The following RET variants were observed in gnomAD, a reference collection of about 807,000 sequenced individuals.
The protein encoded by RET is proto-oncogene tyrosine-protein kinase receptor Ret.
In RET, 19 loss-of-function variants were observed where a neutral mutation model predicts 118.3. The observed-to-expected ratio is 0.16, with a 90% CI of 0.11 to 0.24. The LOEUF (loss-of-function observed/expected upper bound fraction) is 0.24. Ranked by LOEUF, RET falls within the 10% of genes least tolerant of loss-of-function variation. RET has a pLI of 1.00. For missense variants in RET, 1,219 were observed against 1,502.1 expected (o/e 0.81, Z 3.12); for synonymous variants, 597 against 644.1 (o/e 0.93, Z 1.11).
Position 43,114,649 on chromosome 10 carries a change from C to T in RET, c.2049C>T (p.Phe683=), listed in dbSNP as rs2132851661. ...EMTFRRPAQA[F]PVSYSSSGAR... ...CCTTCCGGAGGCCCGCCCAGGCCTTCCCGGTCAGCTACTCCTCTTCCGGTG... is the reference window on the plus strand; with the variant it reads ...CCTTCCGGAGGCCCGCCCAGGCCTTTCCGGTCAGCTACTCCTCTTCCGGTG... The change falls in exon 11 of 20, where the codon TTC becomes TTT. Residue 683 remains phenylalanine, a synonymous_variant. Coordinates refer to ENST00000355710, the MANE Select transcript of RET (RefSeq NM_020975.6). This position sits in a 1 kb window ranked among gnomAD's most constrained non-coding sequence, Gnocchi z 4.6. 1.2e-6 allele frequency: 2 copies of T among 1,613,078 alleles called. No homozygotes were observed. Among genetic ancestry groups the T allele is most frequent in the Non-Finnish European group, 1.7e-6 (2 of 1,180,016 alleles).
At chr10:43,091,501 G>C (rs1479974481) in intron 1 of RET, among the ~76,000 whole-genome samples, 1 of 151,942 alleles carries the variant, frequency 6.6e-6, no homozygotes, top group East Asian at 1.9e-4. Flanking sequence ...CGTGGTGGCA[G>C]GTGGCTGTAA....
At chr10:43,085,929 G>A (rs1837279343) in intron 1 of RET, among the ~76,000 whole-genome samples, 1 of 152,208 alleles carries the variant, frequency 6.6e-6, no homozygotes, top group Non-Finnish European at 1.5e-5. Flanking sequence ...GTGCTGGGCT[G>A]AAACCTACTG....
In RET at chr10:43,128,211, A is replaced by G. The variant is rs768752146; in HGVS notation, c.3287A>G (p.Tyr1096Cys). The G allele has an allele frequency of 5.0e-6, 8 of 1,614,118 alleles. No individual in the cohort carries two copies. The highest frequency in any genetic ancestry group is 3.3e-4 in the Middle Eastern group (2 of 6,084). ...GFPRYPNDSV[Y>C]ANWMLSPSAA... is the part of the protein sequence containing the mutation. The stretch of plus-strand genomic sequence containing the variant: ...CCAAGATATCCAAATGATAGTGTAT[A>G]TGCTAACTGGATGCTTTCACCCTCA... Residue 1096 changes from tyrosine (Y) to cysteine (C), a missense_variant, in exon 20 of 20, where the codon TAT (tyrosine) becomes TGT (cysteine). Physicochemically the swap from Tyr to Cys is radical, Grantham distance 194 (BLOSUM62 -2). Coordinates refer to ENST00000355710, the MANE Select transcript of RET (RefSeq NM_020975.6).
chr10:43,112,050 G>A (rs748313172), intron 7 of RET, 49 bp from the exon 8 acceptor site: 17 of 1,565,694 alleles, frequency 1.1e-5, no homozygotes, highest in Middle Eastern at 1.8e-4. Context: ...CTAGCTGGAC[G>A]CTGGGCCCAG....
intron 1 of RET, among the ~76,000 whole-genome samples, chr10:43,098,507 C>T (rs1837569839): frequency 6.6e-6 from 1 of 150,776 alleles, no homozygotes; most frequent in Non-Finnish European, 1.5e-5. Context: ...CTACAACCTC[C>T]GCCTCGTGGG....
At chr10:43,086,149 T>C (rs1837284158) in intron 1 of RET, among the ~76,000 whole-genome samples, 1 of 152,172 alleles carries the variant, frequency 6.6e-6, no homozygotes, top group Non-Finnish European at 1.5e-5. Flanking sequence ...ATTCCTAGCC[T>C]CTGTGTGGCC....
At chr10:43,102,844 G>A in intron 3 of RET, 1 of 624,548 alleles carries the variant, frequency 1.6e-6, no homozygotes, top group Non-Finnish European at 2.8e-6. Context: ...AATCTTGCCT[G>A]CCTGCAGCTT....
chr10:43,109,216 C>T lies in RET; in HGVS notation c.1249C>T (p.Arg417Cys), dbSNP rs1478152005. 1.1e-5 allele frequency: 18 copies of T among 1,613,034 alleles called. No homozygotes were observed. The highest frequency in any genetic ancestry group is 1.4e-5 in the Non-Finnish European group (16 of 1,180,014). ...TYSLSVSRRA[R>C]RFAQIGKVCV... ...CTCCCTCTCCGTGAGCAGGAGGGCT[C>T]GCCGATTTGCCCAGGTGAGCCCATA... Residue 417 changes from arginine (R) to cysteine (C), a missense_variant, in exon 6 of 20, where the codon CGC (arginine) becomes TGC (cysteine). This residue lies in a region of RET where 850 missense variants were observed against 969.6 expected (regional missense o/e 0.88). Coordinates refer to ENST00000355710, the MANE Select transcript of RET (RefSeq NM_020975.6).
At chr10:43,119,449 C>T in intron 13 of RET, 82 bp from the exon 14 acceptor site, 2 of 1,222,696 alleles carry the variant, frequency 1.6e-6, no homozygotes, top group Non-Finnish European at 2.3e-6. Context: ...GGCCTGGGGA[C>T]CCTGCGGCCT....
In RET at chr10:43,128,346, T is replaced by C. The variant is rs1838380383; in HGVS notation, c.*77T>C. 1 of 1,548,900 alleles carries C rather than the reference T, an allele frequency of 6.5e-7. No individual in the cohort carries two copies. The highest frequency in any genetic ancestry group is 1.4e-5 in the African/African-American group (1 of 73,572). On this transcript the variant is annotated 3_prime_UTR_variant, in exon 20 of 20. Coordinates refer to ENST00000355710, the MANE Select transcript of RET (RefSeq NM_020975.6). ...ATGGAAAGTCTACCGGCCCTTTCTT[T>C]GTGAACGTCACATTGGCCGAGCCGT...
rs546456922 is a variant in RET, at chr10:43,121,262, C to T, written c.2731-684C>T. Among the ~76,000 whole-genome samples, 25 of 152,350 alleles carry T rather than the reference C, an allele frequency of 1.6e-4. No individual in the cohort carries two copies. In the South Asian group the frequency reaches 1.9e-3, roughly 11 times the overall value. ...CACACTGCACTAAGGACATAAATCC[C>T]TCATGTGTTTAAGTAAAAGAAGTGA... On this transcript the variant is annotated intron_variant, in intron 15 of 19. Transcript: ENST00000355710.
At chr10:43,113,241 A>G (rs1222382441) in intron 9 of RET, among the ~76,000 whole-genome samples, 1 of 152,206 alleles carries the variant, frequency 6.6e-6, no homozygotes, top group African/African-American at 2.4e-5. Context: ...AGGGACACTG[A>G]CAGGGAAAGT....
chr10:43,111,505 G>A lies in RET; in HGVS notation c.1522+40G>A, dbSNP rs1350637008. 6 of 1,594,134 alleles carry A rather than the reference G, an allele frequency of 3.8e-6. No individual in the cohort carries two copies. In the African/African-American group the frequency reaches 4.0e-5, roughly 11 times the overall value. ...CAGGGAGGGAGGGTCGGGGTCCTGG[G>A]GGCTTCTGGAGCCTGGGCCTCCTGC... is the stretch of plus-strand genomic sequence containing the variant. On this transcript the variant is annotated intron_variant, in intron 7 of 19. Coordinates refer to ENST00000355710, the MANE Select transcript of RET (RefSeq NM_020975.6).
intron 1 of RET, among the ~76,000 whole-genome samples, chr10:43,099,777 G>A (rs995385788): frequency 6.6e-6 from 1 of 152,146 alleles, no homozygotes; most frequent in African/African-American, 2.4e-5. Context: ...TGCCATGTGC[G>A]CTCTTCTCTG....
In RET at chr10:43,105,030, A is replaced by G. The variant is rs2132704695; in HGVS notation, c.704A>G (p.Glu235Gly). 6.2e-7 allele frequency: 1 copy of G among 1,604,196 alleles called. No individual in the cohort carries two copies. Among genetic ancestry groups the G allele is most frequent in the South Asian group, 1.1e-5 (1 of 90,596 alleles). ...TRWALDREQR[E>G]KYELVAVCTV... ...TGGGCCCTGGACCGCGAGCAGCGGG[A>G]GAAGTACGAGCTGGTGGCCGTGTGC... Residue 235 changes from glutamate to glycine, a missense_variant, in exon 4 of 20, where the codon GAG becomes GGG. By Grantham distance (98) the Glu-to-Gly change is moderately conservative. Coordinates refer to ENST00000355710, the MANE Select transcript of RET (RefSeq NM_020975.6).
At chr10:43,113,865 G>A (rs1343483596) in intron 10 of RET, among the ~76,000 whole-genome samples, 190 bp downstream of exon 10, 1 of 152,180 alleles carries the variant, frequency 6.6e-6, no homozygotes, top group Non-Finnish European at 1.5e-5. Context: ...GTGTCTTCTG[G>A]CCATAAGTTC....
intron 2 of RET, among the ~76,000 whole-genome samples, chr10:43,101,078 C>G (rs1046557708): frequency 6.6e-6 from 1 of 152,240 alleles, no homozygotes; most frequent in Admixed American, 6.5e-5. Flanking sequence ...AGCAAATGAC[C>G]TGCAACTCTC....
At chr10:43,093,300 G>A (rs1837447884) in intron 1 of RET, among the ~76,000 whole-genome samples, 2 of 152,138 alleles carry the variant, frequency 1.3e-5, no homozygotes, top group Non-Finnish European at 2.9e-5. Context: ...GTCCAGGGTT[G>A]GACAGGGGTG....
chr10:43,085,427 G>C (rs146720620), intron 1 of RET, among the ~76,000 whole-genome samples: 2,265 of 152,310 alleles, frequency 0.015, 47 homozygotes, highest in African/African-American at 0.049. Context: ...TGGCCTGGGA[G>C]GACACTTGCA....
Sources: gnomAD v4.1 joint callset for allele counts (sites outside exome capture counted in the v4.1 genomes callset) on GRCh38, gnomAD v4.1.1 for gene constraint, gnomAD v4.1.1 regional missense constraint, Gnocchi (gnomAD v3.1) non-coding constraint, MANE v1.5 for transcripts, NCBI Gene and HGNC (gene_info 2026-07-23, HGNC 2026-07-21) for gene names.